The following LAMA2 variants were observed in gnomAD, a reference collection of about 807,000 sequenced individuals.
LAMA2 encodes laminin subunit alpha 2.
In LAMA2, 269 loss-of-function variants were observed where a neutral mutation model predicts 364.8. The observed-to-expected ratio is 0.74, with a 90% CI of 0.67 to 0.82. The LOEUF (loss-of-function observed/expected upper bound fraction) is 0.82. Ranked by LOEUF, LAMA2 falls within the 40% of genes least tolerant of loss-of-function variation. The probability of loss-of-function intolerance (pLI) is 0.00; values close to 1 mark genes in which losing one functional copy is unlikely to be tolerated. For missense variants in LAMA2, 3,807 were observed against 3,873.2 expected (o/e 0.98, Z 0.45); for synonymous variants, 1,379 against 1,370.6 (o/e 1.01, Z -0.14).
intron 51 of LAMA2, among the ~76,000 whole-genome samples, chr6:129,466,521 A>T (rs1283629211): frequency 6.6e-6 from 1 of 151,968 alleles, no homozygotes; most frequent in Non-Finnish European, 1.5e-5. Context: ...CTGGCTTTGC[A>T]ATTCTTTATT....
intron 1 of LAMA2, among the ~76,000 whole-genome samples, chr6:128,956,060 C>T (rs1781126462): frequency 6.6e-6 from 1 of 151,876 alleles, no homozygotes; most frequent in African/African-American, 2.4e-5. Context: ...GAAAGCAATT[C>T]ACACAATTCA....
At chr6:128,925,493 G>A (rs572878159) in intron 1 of LAMA2, among the ~76,000 whole-genome samples, 36 of 152,226 alleles carry the variant, frequency 2.4e-4, no homozygotes, top group Middle Eastern at 3.4e-3. Flanking sequence ...GATTACTAGC[G>A]GCTGCAGGGA....
intron 40 of LAMA2, among the ~76,000 whole-genome samples, chr6:129,410,328 A>T (rs1453655478): frequency 2.6e-5 from 1 of 38,104 alleles, no homozygotes; most frequent in Admixed American, 2.2e-4. Flanking sequence ...TGCTGAATTA[A>T]AAAAAAAAAA....
intron 12 of LAMA2, among the ~76,000 whole-genome samples, chr6:129,238,000 A>C (rs1785112625): frequency 8.9e-6 from 1 of 112,664 alleles, no homozygotes; most frequent in East Asian, 2.2e-4. Flanking sequence ...TTTACTAAAA[A>C]TACAAAAAAA....
At chr6:129,477,409 C>CACTT (rs945307189) in intron 53 of LAMA2, among the ~76,000 whole-genome samples, 1 of 152,144 alleles carries the variant, frequency 6.6e-6, no homozygotes, top group African/African-American at 2.4e-5. Flanking sequence ...GTTTGTTGAG[C>CACTT]ACTTACTGTG....
chr6:129,073,024 C>A (rs1773420334), intron 3 of LAMA2, among the ~76,000 whole-genome samples: 2 of 151,936 alleles, frequency 1.3e-5, no homozygotes, highest in South Asian at 4.1e-4. Context: ...TTCTTTTCTG[C>A]CTTTTTTAAA....
At chr6:129,096,134 A>G (rs1341090092) in intron 3 of LAMA2, among the ~76,000 whole-genome samples, 5 of 152,202 alleles carry the variant, frequency 3.3e-5, no homozygotes, top group African/African-American at 4.8e-5. Flanking sequence ...TTGAATTTCT[A>G]TATAAAGACA....
At position 129,203,816 on chromosome 6, in the gene LAMA2, G is replaced by A. The variant is rs374231476; in HGVS notation, c.1782+10963G>A. On this transcript the variant is annotated intron_variant, in intron 12 of 64. Transcript: ENST00000421865. ...TCTGCTTTATTAGCTTTGTGATCTTGGACATATCCCTTAATCTAGTTGAGC... is the reference window on the plus strand; with the variant it reads ...TCTGCTTTATTAGCTTTGTGATCTTAGACATATCCCTTAATCTAGTTGAGC... Among the ~76,000 whole-genome samples the A allele has an allele frequency of 2.6e-5, 4 of 152,132 alleles. No homozygotes were observed. In the South Asian group the frequency reaches 8.3e-4, roughly 32 times the overall value.
chr6:129,346,560 T>C (rs1365718359), intron 30 of LAMA2, among the ~76,000 whole-genome samples: 2 of 150,892 alleles, frequency 1.3e-5, no homozygotes, highest in Non-Finnish European at 2.9e-5. Context: ...CCTGTATGTG[T>C]ACATATCTGT....
chr6:128,933,258 G>GTGTGTGTC (rs879586499), intron 1 of LAMA2, among the ~76,000 whole-genome samples: 6 of 148,810 alleles, frequency 4.0e-5, no homozygotes, highest in African/African-American at 1.0e-4. Flanking sequence ...GTGTGTGTGT[G>GTGTGTGTC]TGTGTGTCTG....
rs183864466 is a variant in LAMA2, at chr6:129,514,998, T to C, written c.9211+403T>C. ...TTATTTCCTCAAGTTCTGGAAATCA[T>C]TGGGTTAAACATAGCTAATTTCCCC... On this transcript the variant is annotated intron_variant, in intron 64 of 64. Transcript: ENST00000421865. 5.3e-5 allele frequency among the ~76,000 whole-genome samples: 8 copies of C among 152,318 alleles called. No homozygotes were observed. The East Asian group carries it at 1.2e-3, about 22-fold the overall frequency.
At chr6:129,379,881 A>G (rs1778584223) in intron 34 of LAMA2, among the ~76,000 whole-genome samples, 1 of 152,204 alleles carries the variant, frequency 6.6e-6, no homozygotes. Context: ...TTTGAGTGCT[A>G]TTAGATAGGC....
At chr6:129,145,347 C>T (rs929396745) in intron 5 of LAMA2, among the ~76,000 whole-genome samples, 2 of 151,956 alleles carry the variant, frequency 1.3e-5, no homozygotes, top group African/African-American at 4.8e-5. Flanking sequence ...TTTTAGTGCC[C>T]TGTATTTTCC....
intron 51 of LAMA2, among the ~76,000 whole-genome samples, chr6:129,468,006 A>G (rs1783630975): frequency 6.6e-6 from 1 of 151,814 alleles, no homozygotes; most frequent in Admixed American, 6.6e-5. Context: ...TCTGGTTTCT[A>G]GTTCAATCCC....
chr6:129,398,477 T>C (rs966840461), intron 37 of LAMA2, among the ~76,000 whole-genome samples: 32 of 145,270 alleles, frequency 2.2e-4, no homozygotes, highest in Non-Finnish European at 3.0e-4. Context: ...CTTTTCTTTT[T>C]TTTTTTTTTT....
At chr6:129,302,510 T>G (rs748470047) in intron 22 of LAMA2, among the ~76,000 whole-genome samples, 1 of 152,140 alleles carries the variant, frequency 6.6e-6, no homozygotes, top group Non-Finnish European at 1.5e-5. Flanking sequence ...TATCTTTTTC[T>G]TCTATAGTCC....
At chr6:128,924,173 C>A (rs1383348479) in intron 1 of LAMA2, among the ~76,000 whole-genome samples, 1 of 151,936 alleles carries the variant, frequency 6.6e-6, no homozygotes, top group East Asian at 1.9e-4. Context: ...ATATTTTATC[C>A]CTGCTATAAT....
chr6:128,926,973 C>G (rs894344898), intron 1 of LAMA2, among the ~76,000 whole-genome samples: 9 of 152,184 alleles, frequency 5.9e-5, no homozygotes, highest in Non-Finnish European at 1.2e-4. Context: ...TACATTCATC[C>G]TCTAAGGTAT....
At chr6:129,381,797 G>GA (rs36020550) in intron 34 of LAMA2, among the ~76,000 whole-genome samples, 55,986 of 152,004 alleles carry the variant, frequency 0.37, 11,839 homozygotes, top group Non-Finnish European at 0.47. Flanking sequence ...AAATTATACA[G>GA]AAAAAAATTT....
Sources: allele counts gnomAD v4.1 joint callset (sites outside exome capture counted in the v4.1 genomes callset), GRCh38; gene constraint gnomAD v4.1.1; transcripts MANE v1.5; gene names NCBI Gene and HGNC (gene_info 2026-07-23, HGNC 2026-07-21).